PCCA: variants seen among roughly 807,000 people sequenced by gnomAD.
The protein encoded by PCCA is propionyl-CoA carboxylase alpha chain, mitochondrial.
Under a neutral mutation model 101.3 loss-of-function variants are expected in PCCA, and 74 were observed. That is an observed-to-expected ratio of 0.73 (90% CI 0.61 to 0.89). PCCA has a LOEUF of 0.89. Ranked by LOEUF, PCCA falls within the 40% of genes least tolerant of loss-of-function variation. The pLI is 0.00. For missense variants in PCCA, 891 were observed against 907.0 expected (o/e 0.98, Z 0.23); for synonymous variants, 294 against 313.6 (o/e 0.94, Z 0.66).
chr13:100,271,729 G>T (rs1330445922), intron 11 of PCCA, among the ~76,000 whole-genome samples: 1 of 152,148 alleles, frequency 6.6e-6, no homozygotes, highest in African/African-American at 2.4e-5. Context: ...AGGAGTTCTT[G>T]TTTTTTGTGT....
At position 100,384,686 on chromosome 13, in the gene PCCA, T is replaced by C. The variant is rs147563944; in HGVS notation, c.1746+16112T>C. On this transcript the variant is annotated intron_variant, in intron 19 of 23. Transcript: ENST00000376285. ...ATTCTTTTGCCTCTATTGTCAGTTT[T>C]TAGGATAGGCTTTTAATCTTGAACA... Among the ~76,000 whole-genome samples the C allele has an allele frequency of 9.2e-5, 14 of 152,302 alleles. No individual in the cohort carries two copies. In the East Asian group the frequency reaches 2.7e-3, roughly 29 times the overall value.
chr13:100,339,903 G>A (rs746434479), intron 17 of PCCA, among the ~76,000 whole-genome samples: 2 of 152,158 alleles, frequency 1.3e-5, no homozygotes, highest in Non-Finnish European at 2.9e-5. Flanking sequence ...TTTGTTCTGT[G>A]CATCTGTTGA....
chr13:100,436,960 G>C (rs959495596), intron 20 of PCCA, among the ~76,000 whole-genome samples: 3 of 152,178 alleles, frequency 2.0e-5, no homozygotes, highest in African/African-American at 7.2e-5. Context: ...GGGCTCCCAA[G>C]GACTTGCCCA....
At chr13:100,230,205 G>A (rs1034691701) in intron 7 of PCCA, among the ~76,000 whole-genome samples, 1 of 152,130 alleles carries the variant, frequency 6.6e-6, no homozygotes, top group Non-Finnish European at 1.5e-5. Flanking sequence ...TGTTCATGTG[G>A]CAATGATACC....
chr13:100,269,077 G>A (rs117155613), intron 11 of PCCA, among the ~76,000 whole-genome samples: 3,263 of 152,178 alleles, frequency 0.021, 45 homozygotes, highest in Non-Finnish European at 0.032. Context: ...TGAACTCCTG[G>A]CATCAAAAGA....
At position 100,157,332 on chromosome 13, in the gene PCCA, A is replaced by G. The variant is rs1165819542; in HGVS notation, c.460A>G (p.Arg154Gly). 6.2e-7 allele frequency: 1 copy of G among 1,608,028 alleles called. No individual in the cohort carries two copies. Among genetic ancestry groups the G allele is most frequent in the Non-Finnish European group, 8.5e-7 (1 of 1,174,764 alleles). The change falls in exon 6 of 24, where the codon AGA becomes GGA. Residue 154 changes from arginine (R) to glycine (G), a missense_variant. Arg to Gly is a moderately radical substitution (Grantham distance 125). Transcript: ENST00000376285. Reference sequence around the variant, plus strand: ...CCTTTCAGAAAACAAAGAATTTGCCAGATGTTTGGTAAGTTGGTAATGAAC... The same window carrying G: ...CCTTTCAGAAAACAAAGAATTTGCCGGATGTTTGGTAAGTTGGTAATGAAC... ...GFLSENKEFA[R>G]CLAAEDVVFI...
At chr13:100,270,522 G>T (rs1314938808) in intron 11 of PCCA, among the ~76,000 whole-genome samples, 1 of 152,012 alleles carries the variant, frequency 6.6e-6, no homozygotes, top group Non-Finnish European at 1.5e-5. Flanking sequence ...AAATGTGTTT[G>T]TTTTTTCTCT....
chr13:100,149,305 GCTT>G (rs1486646461), intron 4 of PCCA: 1 of 150,504 alleles, frequency 6.6e-6, no homozygotes, highest in African/African-American at 2.4e-5. Flanking sequence ...GTGGTAAAAT[GCTT>G]ATAAGGAAAC....
At chr13:100,089,712 A>G (rs2046104243) in intron 1 of PCCA, among the ~76,000 whole-genome samples, 1 of 152,202 alleles carries the variant, frequency 6.6e-6, no homozygotes, top group Admixed American at 6.5e-5. Context: ...GTATTATACC[A>G]TGTCAGGACT....
chr13:100,439,571 C>G (rs938413416), intron 20 of PCCA, among the ~76,000 whole-genome samples: 1 of 151,356 alleles, frequency 6.6e-6, no homozygotes, highest in Admixed American at 6.6e-5. Flanking sequence ...TTTTTTTGAC[C>G]TTGAAAGAAG....
chr13:100,285,587 C>T (rs2064547979), intron 12 of PCCA, among the ~76,000 whole-genome samples: 1 of 152,166 alleles, frequency 6.6e-6, no homozygotes, highest in Admixed American at 6.5e-5. Flanking sequence ...AAATGGCATA[C>T]TAGGTGCCAA....
At chr13:100,515,696 A>G (rs1052166040) in intron 22 of PCCA, 129 bp downstream of exon 22, 23 of 1,062,242 alleles carry the variant, frequency 2.2e-5, no homozygotes, top group Non-Finnish European at 3.0e-5. Context: ...CTAAACAGCA[A>G]AATCGATTGC....
chr13:100,411,419 C>G (rs1197531162), intron 19 of PCCA, among the ~76,000 whole-genome samples: 1 of 151,960 alleles, frequency 6.6e-6, no homozygotes, highest in Non-Finnish European at 1.5e-5. Context: ...CAGGGTTTTG[C>G]TATGTTGACC....
At chr13:100,418,098 A>G (rs1404904538) in intron 19 of PCCA, among the ~76,000 whole-genome samples, 1 of 151,010 alleles carries the variant, frequency 6.6e-6, no homozygotes, top group Non-Finnish European at 1.5e-5. Context: ...CACAGACACC[A>G]CTCCTGTTTT....
At chr13:100,108,964 T>G (rs896801424) in intron 2 of PCCA, among the ~76,000 whole-genome samples, 13 of 152,232 alleles carry the variant, frequency 8.5e-5, no homozygotes, top group African/African-American at 3.1e-4. Flanking sequence ...TTAGTTTTAT[T>G]GGGTTTTATG....
At chr13:100,461,167 C>T (rs943734442) in intron 21 of PCCA, among the ~76,000 whole-genome samples, 2 of 152,270 alleles carry the variant, frequency 1.3e-5, no homozygotes, top group African/African-American at 4.8e-5. Flanking sequence ...AAGACCTCCC[C>T]GTGGGGTTGT....
At chr13:100,429,700 G>A (rs933875751) in intron 20 of PCCA, among the ~76,000 whole-genome samples, 5 of 151,958 alleles carry the variant, frequency 3.3e-5, no homozygotes, top group African/African-American at 1.2e-4. Flanking sequence ...TCTGTCTTTC[G>A]GGTTCAAGCG....
chr13:100,435,469 G>A (rs2079861990), intron 20 of PCCA, among the ~76,000 whole-genome samples: 1 of 152,184 alleles, frequency 6.6e-6, no homozygotes, highest in Admixed American at 6.5e-5. Flanking sequence ...TAAGTAGTTG[G>A]GAAGGCAACT....
intron 7 of PCCA, among the ~76,000 whole-genome samples, chr13:100,221,946 A>G (rs2059841311): frequency 6.6e-6 from 1 of 152,042 alleles, no homozygotes; most frequent in African/African-American, 2.4e-5. Context: ...CATATTGGCC[A>G]GGCTGGTCTC....
Sources: allele counts gnomAD v4.1 joint callset (sites outside exome capture counted in the v4.1 genomes callset), GRCh38; gene constraint gnomAD v4.1.1; transcripts MANE v1.5; gene names NCBI Gene and HGNC (gene_info 2026-07-23, HGNC 2026-07-21).